Variants in MARCHF8 observed in about 807,000 individuals in gnomAD.
MARCHF8 encodes membrane associated ring-CH-type finger 8.
A neutral mutation model predicts 51.6 loss-of-function variants in MARCHF8; 40 were observed. The observed-to-expected ratio is 0.77, with a 90% CI of 0.60 to 1.01. The LOEUF is 1.01. Ranked by LOEUF, MARCHF8 falls within the 50% of genes least tolerant of loss-of-function variation. The pLI is 0.00. For synonymous variants in MARCHF8, 263 were observed against 280.3 expected, an observed-to-expected ratio of 0.94 and a Z score of 0.62; for missense variants, 685 against 708.6, an observed-to-expected ratio of 0.97 and a Z score of 0.38.
chr10:45,587,257 C>A (rs1270413478), intron 1 of MARCHF8, among the ~76,000 whole-genome samples: 1 of 152,022 alleles, frequency 6.6e-6, no homozygotes, highest in African/African-American at 2.4e-5. Flanking sequence ...GACACAAAGA[C>A]AATATACAAA....
intron 3 of MARCHF8, among the ~76,000 whole-genome samples, chr10:45,481,299 C>T (rs750713055): frequency 3.6e-4 from 55 of 152,188 alleles, no homozygotes; most frequent in Non-Finnish European, 6.0e-4. Flanking sequence ...AGACTTTGGA[C>T]TGTGGACTTT....
chr10:45,486,546 G>A (rs991424000), intron 3 of MARCHF8, among the ~76,000 whole-genome samples: 5 of 152,048 alleles, frequency 3.3e-5, no homozygotes, highest in South Asian at 2.1e-4. Flanking sequence ...CCTGGGCTAC[G>A]GAGCGAGACT....
chr10:45,504,800 T>C (rs1185071593), intron 2 of MARCHF8, among the ~76,000 whole-genome samples: 2 of 152,196 alleles, frequency 1.3e-5, no homozygotes, highest in Non-Finnish European at 2.9e-5. Context: ...ATCTGGCATG[T>C]TTAAAAGAAA....
intron 2 of MARCHF8, among the ~76,000 whole-genome samples, chr10:45,522,989 C>T (rs1390248190): frequency 6.6e-6 from 1 of 152,116 alleles, no homozygotes; most frequent in Admixed American, 6.5e-5. Flanking sequence ...AAACACAAAA[C>T]TATTTGATGC....
intron 2 of MARCHF8, among the ~76,000 whole-genome samples, chr10:45,496,741 A>C (rs1194559251): frequency 1.3e-5 from 2 of 152,076 alleles, no homozygotes; most frequent in Non-Finnish European, 2.9e-5. Flanking sequence ...GAATTAAATC[A>C]ATATGAATCT....
At chr10:45,591,499 A>G (rs1057486398) in intron 1 of MARCHF8, among the ~76,000 whole-genome samples, 2 of 152,176 alleles carry the variant, frequency 1.3e-5, no homozygotes, top group Non-Finnish European at 2.9e-5. Context: ...GCAGCAAGCA[A>G]AGAAATGACA....
At chr10:45,531,786 C>G (rs2043890763) in intron 2 of MARCHF8, among the ~76,000 whole-genome samples, 1 of 152,162 alleles carries the variant, frequency 6.6e-6, no homozygotes. Flanking sequence ...AGGGTTCACT[C>G]TTCTTATGGG....
At chr10:45,562,641 A>T (rs1589179978) in intron 1 of MARCHF8, among the ~76,000 whole-genome samples, 1 of 151,916 alleles carries the variant, frequency 6.6e-6, no homozygotes, top group African/African-American at 2.4e-5. Context: ...AGATAAGCTT[A>T]TTTTTTTTAA....
At chr10:45,528,831 G>T (rs1463077965) in intron 2 of MARCHF8, among the ~76,000 whole-genome samples, 2 of 152,256 alleles carry the variant, frequency 1.3e-5, no homozygotes, top group African/African-American at 4.8e-5. Context: ...GCTGACGAAA[G>T]AAATCACATA....
At chr10:45,473,066 GA>G (rs1407756559) in intron 3 of MARCHF8, among the ~76,000 whole-genome samples, 2 of 152,216 alleles carry the variant, frequency 1.3e-5, no homozygotes, top group Non-Finnish European at 2.9e-5. Context: ...CCCTGGTCTT[GA>G]CAATCACATC....
At chr10:45,482,200 G>T (rs187222216) in intron 3 of MARCHF8, among the ~76,000 whole-genome samples, 2 of 152,094 alleles carry the variant, frequency 1.3e-5, no homozygotes, top group African/African-American at 4.8e-5. Flanking sequence ...CCACGTCCAC[G>T]GATCAAAAGA....
intron 3 of MARCHF8, among the ~76,000 whole-genome samples, chr10:45,482,122 G>A (rs369383856): frequency 3.3e-5 from 5 of 152,204 alleles, no homozygotes; most frequent in East Asian, 3.9e-4. Flanking sequence ...GGTGAAAGGC[G>A]TTGCAAGGAA....
chr10:45,506,408 T>C (rs1443402562), intron 2 of MARCHF8, among the ~76,000 whole-genome samples: 3 of 152,252 alleles, frequency 2.0e-5, no homozygotes, highest in Admixed American at 6.5e-5. Flanking sequence ...GCGTTACTTC[T>C]ACTTAATGTC....
At chr10:45,583,101 T>C (rs894479224) in intron 1 of MARCHF8, among the ~76,000 whole-genome samples, 1 of 152,222 alleles carries the variant, frequency 6.6e-6, no homozygotes, top group African/African-American at 2.4e-5. Flanking sequence ...ATAACAAGAA[T>C]AGAGTTTGCC....
chr10:45,473,539 G>C (rs7087633), intron 3 of MARCHF8, among the ~76,000 whole-genome samples: 81,287 of 151,968 alleles, frequency 0.53, 22,023 homozygotes, highest in East Asian at 0.63. Context: ...GGCTTCCCTG[G>C]GGATAAAATA....
At chr10:45,527,846 C>A (rs865938143) in intron 2 of MARCHF8, among the ~76,000 whole-genome samples, 1 of 152,028 alleles carries the variant, frequency 6.6e-6, no homozygotes, top group Non-Finnish European at 1.5e-5. Flanking sequence ...GATGCAAAAA[C>A]GCTCAAGAAA....
At chr10:45,567,244 T>G (rs1228815030) in intron 1 of MARCHF8, among the ~76,000 whole-genome samples, 1 of 152,234 alleles carries the variant, frequency 6.6e-6, no homozygotes, top group Non-Finnish European at 1.5e-5. Flanking sequence ...TTCCTTTTGT[T>G]GACTGTATCC....
At chr10:45,512,499 A>T (rs1288445402) in intron 2 of MARCHF8, among the ~76,000 whole-genome samples, 1 of 149,834 alleles carries the variant, frequency 6.7e-6, no homozygotes, top group Non-Finnish European at 1.5e-5. Flanking sequence ...CTGCCCGGCC[A>T]GCCGCCCAGT....
chr10:45,474,302 G>A (rs952208429), intron 3 of MARCHF8, among the ~76,000 whole-genome samples: 6 of 152,256 alleles, frequency 3.9e-5, no homozygotes, highest in East Asian at 3.9e-4. Context: ...GTCACCTCAC[G>A]TCACCTGAGT....
Sources: allele counts gnomAD v4.1 joint callset (sites outside exome capture counted in the v4.1 genomes callset), GRCh38; gene constraint gnomAD v4.1.1; transcripts MANE v1.5; gene names NCBI Gene and HGNC (gene_info 2026-07-23, HGNC 2026-07-21).